Variants in KAZN observed in about 807,000 individuals in gnomAD.
KAZN encodes kazrin, periplakin interacting protein.
Under a neutral mutation model 87.4 loss-of-function variants are expected in KAZN, and 40 were observed. That is an observed-to-expected ratio of 0.46 (90% CI 0.36 to 0.60). The LOEUF is 0.60. KAZN is among the 20% of genes least tolerant of loss of function. The pLI, the probability that KAZN is intolerant of heterozygous loss-of-function variation, is 0.00. For synonymous variants in KAZN, 466 were observed against 458.3 expected, an observed-to-expected ratio of 1.02 and a Z score of -0.22; for missense variants, 898 against 1,073.9, an observed-to-expected ratio of 0.84 and a Z score of 2.29.
chr1:15,011,630 T>C (rs1298752286), intron 2 of KAZN, among the ~76,000 whole-genome samples: 2 of 152,212 alleles, frequency 1.3e-5, no homozygotes, highest in Non-Finnish European at 2.9e-5. Context: ...GTTTCTGTGC[T>C]AGCAGGGTGC....
At chr1:14,742,263 A>G (rs923275643) in intron 1 of KAZN, among the ~76,000 whole-genome samples, 1 of 152,190 alleles carries the variant, frequency 6.6e-6, no homozygotes, top group Non-Finnish European at 1.5e-5. Context: ...GGCACTGAAT[A>G]AATATTTGTG....
chr1:15,066,231 A>G lies in KAZN; in HGVS notation c.1222+478A>G, dbSNP rs1298582306. 1 of 988,214 alleles carries G rather than the reference A, an allele frequency of 1.0e-6. No homozygotes were observed. The highest frequency in any genetic ancestry group is 6.1e-5 in the Admixed American group (1 of 16,334). The allele number at this position is 988,214 out of a possible 1,614,324, so 61.2% of individuals were successfully genotyped here. ...TTGAAGGACTGCTGTGTATTTGTAA[A>G]TAACAAAACTATTGTGCACTCTGTG... On this transcript the variant is annotated intron_variant, in intron 8 of 14. Coordinates refer to ENST00000376030, the MANE Select transcript of KAZN (RefSeq NM_201628.3). The surrounding 1 kb of genome is among the most constrained non-coding windows in gnomAD (Gnocchi z 4.3).
chr1:14,395,848 A>G (rs879791968), intron 2 of KAZN, among the ~76,000 whole-genome samples: 9 of 152,168 alleles, frequency 5.9e-5, no homozygotes, highest in Non-Finnish European at 8.8e-5. Context: ...AGTGCCAGCC[A>G]TAATAACCCC....
At chr1:14,106,018 G>A (rs1490475455) in intron 1 of KAZN, among the ~76,000 whole-genome samples, 1 of 152,172 alleles carries the variant, frequency 6.6e-6, no homozygotes, top group South Asian at 2.1e-4. Flanking sequence ...CCACTATGAG[G>A]CAACATAATA....
intron 1 of KAZN, among the ~76,000 whole-genome samples, chr1:13,941,891 G>T (rs1028507020): frequency 6.6e-6 from 1 of 152,194 alleles, no homozygotes; most frequent in African/African-American, 2.4e-5. Flanking sequence ...CCAATTTTCT[G>T]CTGTGTCTTC....
intron 2 of KAZN, among the ~76,000 whole-genome samples, chr1:14,421,954 A>T (rs903078877): frequency 3.3e-5 from 5 of 152,120 alleles, no homozygotes; most frequent in Non-Finnish European, 5.9e-5. Context: ...AAATATATCC[A>T]ACAGTGCATG....
At chr1:14,551,068 A>G (rs1318569162) in intron 2 of KAZN, among the ~76,000 whole-genome samples, 10 of 152,118 alleles carry the variant, frequency 6.6e-5, no homozygotes, top group African/African-American at 2.4e-4. Flanking sequence ...AAATAGCTAT[A>G]CATGAATCAG....
chr1:14,946,342 C>CTT (rs61663690), intron 1 of KAZN, among the ~76,000 whole-genome samples: 2 of 136,886 alleles, frequency 1.5e-5, no homozygotes, highest in Non-Finnish European at 3.1e-5. Flanking sequence ...TTAATTCTCT[C>CTT]TTTTTTTTTT....
At chr1:14,825,260 C>A (rs756300780) in intron 1 of KAZN, among the ~76,000 whole-genome samples, 3 of 152,236 alleles carry the variant, frequency 2.0e-5, no homozygotes, top group Non-Finnish European at 4.4e-5. Flanking sequence ...CCTATGACTC[C>A]TTTCTTGACT....
intron 2 of KAZN, among the ~76,000 whole-genome samples, chr1:14,354,645 G>GACACACAAACAC (rs1658843443): frequency 7.1e-6 from 1 of 141,378 alleles, no homozygotes; most frequent in African/African-American, 2.6e-5. Context: ...AGCTAAATTA[G>GACACACAAACAC]ACACACACAC....
chr1:15,093,163 C>A (rs1288733326), intron 8 of KAZN, among the ~76,000 whole-genome samples: 2 of 152,112 alleles, frequency 1.3e-5, no homozygotes, highest in African/African-American at 4.8e-5. Flanking sequence ...TACCGCAGGT[C>A]TCTGTGGAGA....
rs1651000116 is a variant in KAZN at position 14,261,375 on chromosome 1, GATT to G, written c.249+80790_249+80792del. Among the ~76,000 whole-genome samples, 3 of 152,176 alleles carry G rather than the reference GATT, an allele frequency of 2.0e-5. No individual in the cohort carries two copies. In the South Asian group the frequency reaches 6.2e-4, roughly 32 times the overall value. ...GCTCTGATCATCGCCATCAATTTAT[GATT>G]ATTATTGTTGTAATCTAAAGTTTCC... On this transcript the variant is annotated intron_variant, in intron 2 of 16. Transcript: ENST00000636203.
chr1:14,694,057 T>C (rs769449567), intron 1 of KAZN, among the ~76,000 whole-genome samples: 8 of 152,244 alleles, frequency 5.3e-5, no homozygotes, highest in Non-Finnish European at 7.3e-5. Context: ...TCCCTTTGAA[T>C]AGCATCATAT....
intron 2 of KAZN, among the ~76,000 whole-genome samples, chr1:14,983,900 C>T (rs2101908476): frequency 6.6e-6 from 1 of 152,158 alleles, no homozygotes; most frequent in Non-Finnish European, 1.5e-5. Context: ...TGAGATCACG[C>T]CATTGCACTC....
intron 2 of KAZN, among the ~76,000 whole-genome samples, chr1:14,296,992 A>G (rs992000543): frequency 6.6e-6 from 1 of 152,116 alleles, no homozygotes; most frequent in African/African-American, 2.4e-5. Flanking sequence ...TTGTGTGCAT[A>G]TGTGCATGTG....
chr1:14,577,123 G>C (rs1214713677), intron 2 of KAZN, among the ~76,000 whole-genome samples: 1 of 152,196 alleles, frequency 6.6e-6, no homozygotes, highest in East Asian at 1.9e-4. Context: ...TTTAAGGTTT[G>C]TCAAACTGCA....
intron 2 of KAZN, among the ~76,000 whole-genome samples, chr1:14,248,200 T>G (rs911129923): frequency 7.2e-5 from 11 of 152,168 alleles, no homozygotes; most frequent in Non-Finnish European, 1.6e-4. Flanking sequence ...TATGGTGGTG[T>G]AGTCATAATA....
At chr1:14,838,724 T>C (rs1647578996) in intron 1 of KAZN, among the ~76,000 whole-genome samples, 1 of 152,222 alleles carries the variant, frequency 6.6e-6, no homozygotes, top group African/African-American at 2.4e-5. Flanking sequence ...CAGGTTCAAG[T>C]GATTCTCATG....
chr1:14,255,190 T>C (rs1170118109), intron 2 of KAZN, among the ~76,000 whole-genome samples: 5 of 145,474 alleles, frequency 3.4e-5, no homozygotes, highest in African/African-American at 1.3e-4. Flanking sequence ...GTGTCTCAAA[T>C]AGTGAGAGAG....
Sources: allele counts gnomAD v4.1 joint callset (sites outside exome capture counted in the v4.1 genomes callset), GRCh38; gene constraint gnomAD v4.1.1; non-coding constraint Gnocchi (gnomAD v3.1); transcripts MANE v1.5; gene names NCBI Gene and HGNC (gene_info 2026-07-23, HGNC 2026-07-21).